Variants in ZNF765 observed in about 807,000 individuals in gnomAD.
The protein encoded by ZNF765 is zinc finger protein 765.
In ZNF765, 37 loss-of-function variants were observed where a neutral mutation model predicts 44.7. That is an observed-to-expected ratio of 0.83 (90% confidence interval 0.64 to 1.09). The LOEUF is 1.09. Ranked by LOEUF, ZNF765 falls within the 50% of genes least tolerant of loss-of-function variation. The pLI is 0.00. For missense variants in ZNF765, 594 were observed against 626.1 expected, an observed-to-expected ratio of 0.95 and a Z score of 0.55; for synonymous variants, 201 against 213.7, an observed-to-expected ratio of 0.94 and a Z score of 0.52.
rs376969273 is a variant in ZNF765 at position 53,408,674 on chromosome 19, T to C, written c.1119T>C (p.His373=). The C allele has an allele frequency of 2.5e-6, 4 of 1,613,248 alleles. No homozygotes were observed. The African/African-American group carries it at 4.0e-5, about 16-fold the overall frequency. The change falls in exon 4 of 4, where the codon CAT becomes CAC. Residue 373 remains histidine, a synonymous_variant. Coordinates refer to ENST00000396408, the MANE Select transcript of ZNF765 (RefSeq NM_001040185.3). ...GTCGGAAGTCACATTTTACATGCCA[T>C]CATAGAGTTCATACTGGAGAGAAAC... The part of the protein sequence containing the change: ...TFSRKSHFTC[H]HRVHTGEKPY...
intron 3 of ZNF765, among the ~76,000 whole-genome samples, chr19:53,421,998 T>C (rs536018247): frequency 5.1e-4 from 77 of 152,316 alleles, no homozygotes; most frequent in Non-Finnish European, 4.9e-4. Context: ...TTTTTAAACC[T>C]ACTTTAGTCA....
At chr19:53,417,288 T>C (rs568431134) in intron 3 of ZNF765, among the ~76,000 whole-genome samples, 2 of 152,240 alleles carry the variant, frequency 1.3e-5, no homozygotes, top group African/African-American at 4.8e-5. Flanking sequence ...TCCCACCCTA[T>C]GCCCTCCAAT....
chr19:53,411,776 G>A lies in ZNF765; in HGVS notation c.*2649G>A, dbSNP rs1354589593. The A allele has an allele frequency of 1.3e-5, 2 of 152,168 alleles. No homozygotes were observed. Among genetic ancestry groups the A allele is most frequent in the African/African-American group, 4.8e-5 (2 of 41,386 alleles). 9.4% of individuals were successfully genotyped at this position (152,168 alleles called of 1,614,324 possible). On this transcript the variant is annotated 3_prime_UTR_variant, in exon 4 of 4. Transcript: ENST00000396408. ...CTGACCTTTTTACGTTTATTTCTAA[G>A]TATTTCTTACTTTAAGTTCTCCAGC...
At chr19:53,426,846 T>G (rs937191282) in exon 4 of ZNF765, 1 of 151,880 alleles carries the variant, frequency 6.6e-6, no homozygotes, top group African/African-American at 2.4e-5. Flanking sequence ...ACCGCTAATC[T>G]AGACAGTTCT....
At chr19:53,416,014 G>T (rs1294453796), downstream of ZNF765, among the ~76,000 whole-genome samples, 3 of 151,992 alleles carry the variant, frequency 2.0e-5, no homozygotes, top group Non-Finnish European at 4.4e-5. Flanking sequence ...CAGTGCAGTG[G>T]TGCCTTCTCT....
intron 3 of ZNF765, among the ~76,000 whole-genome samples, chr19:53,421,660 G>A (rs1027304128): frequency 5.9e-5 from 9 of 152,052 alleles, no homozygotes; most frequent in African/African-American, 2.2e-4. Context: ...GCTTACAGGT[G>A]CCTGCCACTA....
intron 3 of ZNF765, 141 bp downstream of exon 3, chr19:53,402,332 C>G: frequency 7.0e-7 from 1 of 1,420,404 alleles, no homozygotes; most frequent in Non-Finnish European, 9.4e-7. Context: ...TCTCGGCTCA[C>G]GGCCAGCTCC....
rs768167437 is a variant in ZNF765 at position 53,407,723 on chromosome 19, G to A, written c.168G>A (p.Lys56=). Residue 56 remains lysine, a synonymous_variant, in exon 4 of 4, where the codon AAG becomes AAA. Coordinates refer to ENST00000396408, the MANE Select transcript of ZNF765 (RefSeq NM_001040185.3). ...SLDISSKCMM[K]EFSSTAQGNR... Reference sequence around the variant, plus strand: ...ATATCTCTTCCAAATGCATGATGAAGGAGTTCTCGTCAACAGCACAAGGCA... The same window carrying A: ...ATATCTCTTCCAAATGCATGATGAAAGAGTTCTCGTCAACAGCACAAGGCA... 6.4e-7 allele frequency: 1 copy of A among 1,561,640 alleles called. No individual in the cohort carries two copies. Among genetic ancestry groups the A allele is most frequent in the Non-Finnish European group, 8.6e-7 (1 of 1,156,550 alleles).
At chr19:53,405,941 ATATATATAT>A (rs1568779033) in intron 3 of ZNF765, among the ~76,000 whole-genome samples, 12 of 99,894 alleles carry the variant, frequency 1.2e-4, no homozygotes, top group Admixed American at 6.1e-4. Context: ...ATATATATAT[ATATATATAT>A]AAAATTGCTG....
downstream of ZNF765, among the ~76,000 whole-genome samples, chr19:53,414,198 G>A (rs1423442324): frequency 7.7e-6 from 1 of 129,956 alleles, no homozygotes; most frequent in East Asian, 2.3e-4. Context: ...CCGAGATCGC[G>A]CTACTGCACT....
Position 53,409,873 on chromosome 19 carries a change from T to C in ZNF765, c.*746T>C, listed in dbSNP as rs565152616. ...ATACTGGAGAGGTACCTTACAAGGA[T>C]AATGAGTGTAGAAAAACCTTTCATG... is the stretch of plus-strand genomic sequence containing the variant. On this transcript the variant is annotated 3_prime_UTR_variant, in exon 4 of 4. Transcript: ENST00000396408. 1 of 655,990 alleles carries C rather than the reference T, an allele frequency of 1.5e-6. No individual in the cohort carries two copies. The highest frequency in any genetic ancestry group is 1.4e-5 in the South Asian group (1 of 72,092). The allele number at this position is 655,990 out of a possible 1,614,324, so 40.6% of individuals were successfully genotyped here. A position where few individuals can be genotyped will look rare whatever the true frequency, so the allele number is the denominator to read the frequency against.
intron 3 of ZNF765, among the ~76,000 whole-genome samples, chr19:53,420,190 G>C (rs2085899007): frequency 6.6e-6 from 1 of 152,014 alleles, no homozygotes; most frequent in African/African-American, 2.4e-5. Context: ...AAATTAGCTT[G>C]GCGTGGTGGC....
intron 3 of ZNF765, among the ~76,000 whole-genome samples, chr19:53,419,550 T>A (rs1294295797): frequency 1.3e-5 from 2 of 152,240 alleles, no homozygotes; most frequent in Non-Finnish European, 2.9e-5. Context: ...TGAATTGTAA[T>A]GCTGTTGTCT....
rs113053919 is a variant in ZNF765 at position 53,408,407 on chromosome 19, T to C, written c.852T>C (p.Tyr284=). The change falls in exon 4 of 4, where the codon TAT becomes TAC. Residue 284 remains tyrosine, a synonymous_variant. Transcript: ENST00000396408. The part of the protein sequence containing the change: ...NECGKTFSQT[Y]YLTCHRRLHT... The stretch of plus-strand genomic sequence containing the variant: ...GTGGCAAGACCTTCAGTCAGACATA[T>C]TACCTAACATGCCATCGTAGACTTC... The C allele has an allele frequency of 0.021, 33,323 of 1,604,192 alleles. 681 individuals are homozygous for C. The highest frequency in any genetic ancestry group is 0.12 in the East Asian group (5,496 of 44,368).
chr19:53,407,220 T>C (rs1473372795), intron 3 of ZNF765, among the ~76,000 whole-genome samples: 1 of 152,226 alleles, frequency 6.6e-6, no homozygotes, highest in Non-Finnish European at 1.5e-5. Context: ...CTCAGTGCTA[T>C]GATTGTTTGA....
At chr19:53,422,104 G>T (rs551891561) in intron 3 of ZNF765, among the ~76,000 whole-genome samples, 14 of 152,104 alleles carry the variant, frequency 9.2e-5, no homozygotes, top group Non-Finnish European at 2.1e-4. Context: ...AGCCTCTGGG[G>T]TAATGTTTTA....
intron 3 of ZNF765, among the ~76,000 whole-genome samples, chr19:53,406,196 T>C (rs2147095772): frequency 6.6e-6 from 1 of 151,394 alleles, no homozygotes; most frequent in Non-Finnish European, 1.5e-5. Context: ...GCCCAGCTAA[T>C]TTTTTTGTAT....
chr19:53,401,007 A>ATTT (rs928781438), intron 2 of ZNF765, among the ~76,000 whole-genome samples: 1 of 142,382 alleles, frequency 7.0e-6, no homozygotes. Context: ...TAATTCGCTA[A>ATTT]TTTTTTTTTT....
intron 3 of ZNF765, 96 bp from the exon 4 acceptor site, chr19:53,407,602 T>A: frequency 1.0e-6 from 1 of 975,150 alleles, no homozygotes; most frequent in Non-Finnish European, 1.4e-6. Flanking sequence ...TTGCAAAGTT[T>A]AAAATAAGTA....
Sources: gnomAD v4.1 joint callset for allele counts (sites outside exome capture counted in the v4.1 genomes callset) on GRCh38, gnomAD v4.1.1 for gene constraint, MANE v1.5 for transcripts, NCBI Gene and HGNC (gene_info 2026-07-23, HGNC 2026-07-21) for gene names.